The following HEXA variants were observed in gnomAD, a reference collection of about 807,000 sequenced individuals.
The protein encoded by HEXA is hexosaminidase subunit alpha.
Under a neutral mutation model 73.3 loss-of-function variants are expected in HEXA, and 54 were observed. The ratio of observed to expected loss-of-function variants is 0.74; its 90% CI spans 0.59 to 0.92. The LOEUF is 0.92. HEXA is among the 40% of genes least tolerant of loss of function. HEXA has a pLI of 0.00. For missense variants in HEXA, 649 were observed against 653.0 expected (o/e 0.99, Z 0.07); for synonymous variants, 230 against 246.9 (o/e 0.93, Z 0.64).
intron 13 of HEXA, 149 bp from the exon 14 acceptor site, chr15:72,344,289 CAG>C (rs2088583414): frequency 1.0e-5 from 7 of 688,730 alleles, no homozygotes; most frequent in African/African-American, 1.8e-5. Flanking sequence ...ATCTCAATTC[CAG>C]AGATTCTCAC....
intron 2 of HEXA, 59 bp from the exon 3 acceptor site, chr15:72,355,683 G>T: frequency 9.0e-7 from 1 of 1,112,796 alleles, no homozygotes; most frequent in Non-Finnish European, 1.4e-6. Context: ...TCAGATTATA[G>T]ACCAGATATT....
chr15:72,347,679 G>A lies in HEXA; in HGVS notation c.1146+7C>T, dbSNP rs1445671872. On this transcript the variant is annotated splice_region_variant and intron_variant, in intron 10 of 13. Coordinates refer to ENST00000268097, the MANE Select transcript of HEXA (RefSeq NM_000520.6). The stretch of plus-strand genomic sequence containing the variant: ...GGTGGCTTCTTCTCTTCTCTGCCCC[G>A]GCTCACCTTTACTTTATTATCAAAC... 6 of 1,613,340 alleles carry A rather than the reference G, an allele frequency of 3.7e-6. No homozygotes were observed. The highest frequency in any genetic ancestry group is 4.2e-6 in the Non-Finnish European group (5 of 1,179,292).
chr15:72,348,687 G>A (rs1350904423), intron 8 of HEXA, among the ~76,000 whole-genome samples: 1 of 152,176 alleles, frequency 6.6e-6, no homozygotes, highest in African/African-American at 2.4e-5. Context: ...CAAGGGTTTG[G>A]ACTTTACAAC....
chr15:72,345,699 T>A, intron 12 of HEXA, 149 bp from the exon 13 acceptor site: 4 of 1,356,060 alleles, frequency 2.9e-6, no homozygotes, highest in African/African-American at 1.4e-5. Context: ...CACAGCCAGG[T>A]TGGATGGCTC....
intron 1 of HEXA, among the ~76,000 whole-genome samples, chr15:72,372,271 C>G (rs1235464286): frequency 3.3e-5 from 5 of 151,662 alleles, no homozygotes; most frequent in African/African-American, 9.7e-5. Flanking sequence ...ATCACTTGAA[C>G]CCAGGAGGTG....
In HEXA at chr15:72,343,877, A is replaced by G. The variant is rs886051461; in HGVS notation, c.*200T>C. The stretch of plus-strand genomic sequence containing the variant: ...CACACTTTTTTTTTTAAACACAGGT[A>G]ATCCATGTTTATTATAGAAAAATGC... On this transcript the variant is annotated 3_prime_UTR_variant, in exon 14 of 14. Transcript: ENST00000268097. The G allele has an allele frequency of 1.8e-6, 1 of 555,124 alleles. No homozygotes were observed. Among genetic ancestry groups the G allele is most frequent in the South Asian group, 1.9e-5 (1 of 51,944 alleles). 34.4% of individuals were successfully genotyped at this position (555,124 alleles called of 1,614,324 possible).
At chr15:72,348,233 C>T (rs1228094391) in intron 8 of HEXA, 99 bp from the exon 9 acceptor site, 3 of 818,158 alleles carry the variant, frequency 3.7e-6, no homozygotes, top group Non-Finnish European at 6.3e-6. Context: ...CTCTTTTCAC[C>T]TGAAAAATCA....
At chr15:72,362,461 T>C (rs1467930577) in intron 1 of HEXA, 1 of 455,894 alleles carries the variant, frequency 2.2e-6, no homozygotes. Flanking sequence ...ATTCAGTACA[T>C]GTTTGCTGAA....
chr15:72,367,524 C>G (rs1050329661), intron 1 of HEXA, among the ~76,000 whole-genome samples: 2 of 152,178 alleles, frequency 1.3e-5, no homozygotes, highest in African/African-American at 4.8e-5. Context: ...AACTGGGTTT[C>G]CTGCCTCTAA....
At chr15:72,371,542 T>C (rs905114213) in intron 1 of HEXA, among the ~76,000 whole-genome samples, 1 of 146,756 alleles carries the variant, frequency 6.8e-6, no homozygotes, top group African/African-American at 2.6e-5. Flanking sequence ...GCTGTGTTTG[T>C]GCCACTGCAC....
chr15:72,350,963 G>A (rs2088687261), intron 6 of HEXA, 170 bp downstream of exon 6: 2 of 669,800 alleles, frequency 3.0e-6, no homozygotes, highest in East Asian at 2.7e-5. Context: ...CAAATTATCG[G>A]CAAAGTTTTG....
intron 10 of HEXA, among the ~76,000 whole-genome samples, chr15:72,347,368 C>A (rs892758698): frequency 6.6e-6 from 1 of 151,022 alleles, no homozygotes; most frequent in African/African-American, 2.4e-5. Flanking sequence ...GCCTCCTGGG[C>A]TCAAGCAGTA....
intron 1 of HEXA, among the ~76,000 whole-genome samples, chr15:72,364,422 A>G (rs1003784076): frequency 6.6e-6 from 1 of 152,222 alleles, no homozygotes; most frequent in Non-Finnish European, 1.5e-5. Context: ...TGTTGAATAT[A>G]ATTCCAATGA....
intron 2 of HEXA, chr15:72,355,991 G>A (rs1232318326): frequency 2.1e-6 from 1 of 469,166 alleles, no homozygotes; most frequent in Admixed American, 2.3e-5. Context: ...AGGGGTGAGT[G>A]CAGCACGCGA....
chr15:72,374,526 C>T (rs1233842657), intron 1 of HEXA, among the ~76,000 whole-genome samples: 2 of 127,242 alleles, frequency 1.6e-5, no homozygotes, highest in Non-Finnish European at 3.5e-5. Flanking sequence ...GTAATTTAAA[C>T]ACACTTGAAA....
intron 8 of HEXA, 38 bp downstream of exon 8, chr15:72,349,041 C>G (rs756707890): frequency 6.4e-7 from 1 of 1,568,404 alleles, no homozygotes; most frequent in South Asian, 1.1e-5. Flanking sequence ...GAGTAAGCAA[C>G]TGATCAGGCC....
At chr15:72,371,591 G>GAAA (rs11299619) in intron 1 of HEXA, among the ~76,000 whole-genome samples, 1 of 121,986 alleles carries the variant, frequency 8.2e-6, no homozygotes, top group Non-Finnish European at 1.6e-5. Context: ...GTCTCTAAAA[G>GAAA]AAAAAAAAAA....
chr15:72,371,075 C>T (rs1361179224), intron 1 of HEXA, among the ~76,000 whole-genome samples: 1 of 152,142 alleles, frequency 6.6e-6, no homozygotes, highest in African/African-American at 2.4e-5. Context: ...AGCCGCTAGC[C>T]CAATTAAAGT....
intron 1 of HEXA, chr15:72,370,572 G>A (rs1269578977): frequency 2.5e-5 from 10 of 398,170 alleles, no homozygotes; most frequent in Admixed American, 4.4e-5. Flanking sequence ...GGTGGCATGC[G>A]TCTGTAGTCC....
Sources: gnomAD v4.1 joint callset for allele counts (sites outside exome capture counted in the v4.1 genomes callset) on GRCh38, gnomAD v4.1.1 for gene constraint, MANE v1.5 for transcripts, NCBI Gene and HGNC (gene_info 2026-07-23, HGNC 2026-07-21) for gene names.